Variants in LINGO2 observed in about 807,000 individuals in gnomAD.
LINGO2 encodes the protein leucine-rich repeat and immunoglobulin-like domain-containing nogo receptor-interacting protein 2.
Under a neutral mutation model 30.6 loss-of-function variants are expected in LINGO2, and 14 were observed. The observed-to-expected ratio is 0.46, with a 90% CI of 0.30 to 0.72. The LOEUF (loss-of-function observed/expected upper bound fraction) is 0.72, where lower values mean the gene tolerates loss of function less well. LINGO2 is among the 30% of genes least tolerant of loss of function. The probability of loss-of-function intolerance (pLI) is 0.07; values close to 1 mark genes in which losing one functional copy is unlikely to be tolerated. For synonymous variants in LINGO2, 317 were observed against 288.5 expected (o/e 1.10, Z -1.00); for missense variants, 729 against 751.7 (o/e 0.97, Z 0.35).
the LINGO2 span, among the ~76,000 whole-genome samples, chr9:29,212,162 C>T: frequency 6.6e-6 from 1 of 152,168 alleles, no homozygotes; most frequent in Non-Finnish European, 1.5e-5. Context: ...GCACAGCTTT[C>T]CAGAGCTCAG....
At chr9:28,827,657 G>A in the LINGO2 span, among the ~76,000 whole-genome samples, 1 of 151,972 alleles carries the variant, frequency 6.6e-6, no homozygotes, top group Non-Finnish European at 1.5e-5. Flanking sequence ...ATAATACGTT[G>A]GGAAGCATAT....
intron 1 of LINGO2, among the ~76,000 whole-genome samples, chr9:28,582,039 T>A (rs1260821671): frequency 1.3e-5 from 2 of 152,040 alleles, no homozygotes; most frequent in Admixed American, 6.6e-5. Flanking sequence ...ATGTTCTGTA[T>A]TTAATGATTC....
chr9:28,744,216 T>C, the LINGO2 span, among the ~76,000 whole-genome samples: 1 of 151,984 alleles, frequency 6.6e-6, no homozygotes, highest in African/African-American at 2.4e-5. Flanking sequence ...GCTGATATTC[T>C]CTATTTGATG....
the LINGO2 span, among the ~76,000 whole-genome samples, chr9:29,060,648 T>A: frequency 6.6e-6 from 1 of 151,672 alleles, no homozygotes; most frequent in African/African-American, 2.4e-5. Context: ...ATATCTGAAA[T>A]AAATGGAAAG....
chr9:28,651,359 T>A (rs1360875701), intron 1 of LINGO2, among the ~76,000 whole-genome samples: 1 of 152,058 alleles, frequency 6.6e-6, no homozygotes, highest in Non-Finnish European at 1.5e-5. Flanking sequence ...GCTTAGAAAT[T>A]AATTTGGCCA....
chr9:28,354,902 C>A (rs1194283759), intron 3 of LINGO2, among the ~76,000 whole-genome samples: 1 of 152,054 alleles, frequency 6.6e-6, no homozygotes. Flanking sequence ...AAATAAAATA[C>A]AACTGAGACT....
the LINGO2 span, among the ~76,000 whole-genome samples, chr9:29,066,593 A>G: frequency 6.6e-6 from 1 of 151,968 alleles, no homozygotes; most frequent in South Asian, 2.1e-4. Context: ...AAAAGTCACA[A>G]TGGTAAAATG....
At chr9:28,041,816 A>G (rs1824208484) in intron 4 of LINGO2, among the ~76,000 whole-genome samples, 1 of 152,208 alleles carries the variant, frequency 6.6e-6, no homozygotes, top group African/African-American at 2.4e-5. Flanking sequence ...ATTTATAGTT[A>G]TAATTATTGT....
intron 4 of LINGO2, among the ~76,000 whole-genome samples, chr9:28,091,147 A>C (rs1409125432): frequency 1.3e-5 from 2 of 152,212 alleles, no homozygotes; most frequent in African/African-American, 4.8e-5. Context: ...GCCCAAGGTA[A>C]TTTATAGATT....
intron 4 of LINGO2, among the ~76,000 whole-genome samples, chr9:28,090,532 G>C (rs1011784110): frequency 1.3e-5 from 2 of 151,874 alleles, no homozygotes; most frequent in Non-Finnish European, 2.9e-5. Flanking sequence ...TGCTAAAAAC[G>C]CTCAATAAAT....
At chr9:28,745,493 A>G in the LINGO2 span, among the ~76,000 whole-genome samples, 2 of 152,070 alleles carry the variant, frequency 1.3e-5, no homozygotes, top group Non-Finnish European at 2.9e-5. Context: ...ATTTTTGTAA[A>G]TGAATGTCTT....
intron 1 of LINGO2, among the ~76,000 whole-genome samples, chr9:28,526,359 A>C (rs1453797268): frequency 6.6e-6 from 1 of 152,158 alleles, no homozygotes; most frequent in Non-Finnish European, 1.5e-5. Flanking sequence ...AGCAACATCC[A>C]ATGCCATAAA....
At chr9:28,945,838 T>C in the LINGO2 span, among the ~76,000 whole-genome samples, 1 of 152,196 alleles carries the variant, frequency 6.6e-6, no homozygotes, top group Non-Finnish European at 1.5e-5. Flanking sequence ...AAAGATCTAT[T>C]GCTTCTGGCA....
intron 1 of LINGO2, among the ~76,000 whole-genome samples, chr9:28,521,964 C>T (rs528785619): frequency 1.2e-4 from 18 of 152,320 alleles, no homozygotes; most frequent in African/African-American, 4.1e-4. Context: ...AAGGGAGGAT[C>T]CTTCTCTGTA....
chr9:28,871,715 A>G, the LINGO2 span, among the ~76,000 whole-genome samples: 4 of 151,972 alleles, frequency 2.6e-5, no homozygotes, highest in South Asian at 2.1e-4. Context: ...AAAACACTAC[A>G]TAAGGAGTGA....
chr9:29,049,483 A>G, the LINGO2 span, among the ~76,000 whole-genome samples: 1 of 152,204 alleles, frequency 6.6e-6, no homozygotes, highest in African/African-American at 2.4e-5. Context: ...TCAATATACC[A>G]AAGAGATATC....
chr9:28,104,543 C>T (rs906562605), intron 4 of LINGO2, among the ~76,000 whole-genome samples: 3 of 151,904 alleles, frequency 2.0e-5, no homozygotes, highest in African/African-American at 7.2e-5. Flanking sequence ...AAGGACACTA[C>T]CTCTAATGAC....
chr9:28,201,324 C>T (rs1439696299), intron 4 of LINGO2, among the ~76,000 whole-genome samples: 5 of 141,034 alleles, frequency 3.5e-5, no homozygotes, highest in African/African-American at 8.0e-5. Flanking sequence ...TGAGAATATG[C>T]GGTGTTTGGT....
chr9:28,401,618 T>C (rs1454964374), intron 2 of LINGO2, among the ~76,000 whole-genome samples: 4 of 152,172 alleles, frequency 2.6e-5, no homozygotes, highest in Admixed American at 2.0e-4. Flanking sequence ...GTCTTTATAG[T>C]AGAATAATTT....
Sources: allele counts gnomAD v4.1 joint callset (sites outside exome capture counted in the v4.1 genomes callset), GRCh38; gene constraint gnomAD v4.1.1; transcripts MANE v1.5; gene names NCBI Gene and HGNC (gene_info 2026-07-23, HGNC 2026-07-21).